NEU3: variants seen among roughly 807,000 people sequenced by gnomAD.
NEU3 encodes the protein neuraminidase 3.
In NEU3, 10 loss-of-function variants were observed where a neutral mutation model predicts 11.4. That is an observed-to-expected ratio of 0.88 (90% CI 0.54 to 1.49). The LOEUF is 1.49. Ranked by LOEUF, NEU3 falls within the 40% of genes most tolerant of loss-of-function variation. The pLI, the probability that NEU3 is intolerant of heterozygous loss-of-function variation, is 0.00. For synonymous variants in NEU3, 212 were observed against 228.2 expected, an observed-to-expected ratio of 0.93 and a Z score of 0.64; for missense variants, 529 against 581.8, an observed-to-expected ratio of 0.91 and a Z score of 0.93.
At chr11:74,982,784 A>G in the NEU3 span, among the ~76,000 whole-genome samples, 1 of 152,150 alleles carries the variant, frequency 6.6e-6, no homozygotes, top group South Asian at 2.1e-4. Flanking sequence ...GGTGCTTGTC[A>G]GAGCCAACAG....
At chr11:75,019,746 G>A (rs1287748172), downstream of NEU3, among the ~76,000 whole-genome samples, 1 of 152,166 alleles carries the variant, frequency 6.6e-6, no homozygotes, top group African/African-American at 2.4e-5. Flanking sequence ...GCAGGGGCAG[G>A]GCTGTCATGG....
downstream of NEU3, among the ~76,000 whole-genome samples, chr11:75,019,702 T>A (rs1440523643): frequency 1.3e-5 from 2 of 152,204 alleles, no homozygotes; most frequent in Non-Finnish European, 2.9e-5. Flanking sequence ...AGAGGATGTA[T>A]GAAAACACCT....
At chr11:75,012,065 A>G (rs1410895258), downstream of NEU3, among the ~76,000 whole-genome samples, 1 of 152,140 alleles carries the variant, frequency 6.6e-6, no homozygotes, top group African/African-American at 2.4e-5. Context: ...GGCAGTTTTG[A>G]CAAAGATTCC....
upstream of NEU3, among the ~76,000 whole-genome samples, chr11:74,986,311 G>A (rs780514784): frequency 2.0e-5 from 3 of 152,220 alleles, no homozygotes; most frequent in Non-Finnish European, 4.4e-5. Flanking sequence ...AATACAGGTA[G>A]TGGGATTCCT....
At chr11:75,001,756 G>T (rs78586795) in intron 2 of NEU3, among the ~76,000 whole-genome samples, 2 of 152,124 alleles carry the variant, frequency 1.3e-5, no homozygotes, top group Non-Finnish European at 2.9e-5. Context: ...CATGTCAACT[G>T]TATGTTAGAT....
chr11:74,995,483 G>A (rs1948780596), intron 2 of NEU3, among the ~76,000 whole-genome samples: 1 of 152,148 alleles, frequency 6.6e-6, no homozygotes, highest in African/African-American at 2.4e-5. Flanking sequence ...ATCCCAAATA[G>A]GCATACGTCG....
chr11:75,017,538 A>G (rs752382335), intron 3 of NEU3, among the ~76,000 whole-genome samples: 8 of 152,228 alleles, frequency 5.3e-5, no homozygotes, highest in Non-Finnish European at 1.0e-4. Flanking sequence ...TTTTCTAATT[A>G]GCACAGGGTA....
At chr11:75,001,446 AT>A (rs1192354627) in intron 2 of NEU3, among the ~76,000 whole-genome samples, 3 of 150,736 alleles carry the variant, frequency 2.0e-5, no homozygotes, top group African/African-American at 4.9e-5. Flanking sequence ...TGCCTGGCTA[AT>A]TTTTTTTGCA....
At chr11:75,019,438 G>T (rs1195797256), downstream of NEU3, among the ~76,000 whole-genome samples, 1 of 152,240 alleles carries the variant, frequency 6.6e-6, no homozygotes, top group Non-Finnish European at 1.5e-5. Context: ...CGTCCCAGCT[G>T]CTCTAGCTGT....
At chr11:74,994,472 G>T in intron 1 of NEU3, 37 bp from the exon 2 acceptor site, 1 of 1,523,656 alleles carries the variant, frequency 6.6e-7, no homozygotes, top group Non-Finnish European at 8.9e-7. Flanking sequence ...CAGCATCTGG[G>T]TATGGACACA....
chr11:74,990,042 A>G (rs1948713483), intron 1 of NEU3: 2 of 702,212 alleles, frequency 2.8e-6, no homozygotes, highest in Non-Finnish European at 5.2e-6. Context: ...CACGATCAGC[A>G]TAATTACAAA....
intron 2 of NEU3, among the ~76,000 whole-genome samples, chr11:75,001,166 G>A (rs1356456460): frequency 6.6e-6 from 1 of 152,080 alleles, no homozygotes; most frequent in Admixed American, 6.6e-5. Context: ...ATAGTTGTCA[G>A]GGTGATACCT....
At chr11:74,998,181 G>A (rs1281803198) in intron 2 of NEU3, among the ~76,000 whole-genome samples, 2 of 152,188 alleles carry the variant, frequency 1.3e-5, no homozygotes, top group Non-Finnish European at 2.9e-5. Flanking sequence ...CATGTAATAT[G>A]GGCACAGTTG....
At chr11:74,993,853 C>T (rs1948758128) in intron 1 of NEU3, among the ~76,000 whole-genome samples, 2 of 152,044 alleles carry the variant, frequency 1.3e-5, no homozygotes, top group East Asian at 3.9e-4. Context: ...TATAAAGCCC[C>T]TAATGCACTC....
At chr11:75,001,489 G>T (rs1340562132) in intron 2 of NEU3, among the ~76,000 whole-genome samples, 1 of 151,740 alleles carries the variant, frequency 6.6e-6, no homozygotes, top group Non-Finnish European at 1.5e-5. Context: ...CACCATGTTG[G>T]CCAGGCTGGT....
chr11:74,999,195 G>C (rs1256071200), intron 2 of NEU3, among the ~76,000 whole-genome samples: 1 of 152,092 alleles, frequency 6.6e-6, no homozygotes, highest in Non-Finnish European at 1.5e-5. Context: ...GAGTGCAGTG[G>C]CTATTCACAG....
chr11:74,988,880 C>CACTGACT (rs1323087452), upstream of NEU3: 1 of 602,048 alleles, frequency 1.7e-6, no homozygotes, highest in Non-Finnish European at 2.9e-6. Flanking sequence ...CCCCAACCGC[C>CACTGACT]ACTGACTACA....
At chr11:74,997,498 G>A (rs1241413289) in intron 2 of NEU3, among the ~76,000 whole-genome samples, 1 of 152,134 alleles carries the variant, frequency 6.6e-6, no homozygotes, top group East Asian at 1.9e-4. Context: ...CAATAAGGCT[G>A]TTTTGCTTTC....
At chr11:75,013,758 C>A (rs1948969696), downstream of NEU3, among the ~76,000 whole-genome samples, 1 of 152,216 alleles carries the variant, frequency 6.6e-6, no homozygotes, top group South Asian at 2.1e-4. Flanking sequence ...TACATACATT[C>A]TCTCGCTTAA....
Sources: allele counts gnomAD v4.1 joint callset (sites outside exome capture counted in the v4.1 genomes callset), GRCh38; gene constraint gnomAD v4.1.1; transcripts MANE v1.5; gene names NCBI Gene and HGNC (gene_info 2026-07-23, HGNC 2026-07-21).